Variants in LPGAT1 observed in about 807,000 individuals in gnomAD.
LPGAT1 encodes the protein lysophosphatidylglycerol acyltransferase 1.
Under a neutral mutation model 47.5 loss-of-function variants are expected in LPGAT1, and 11 were observed. The ratio of observed to expected loss-of-function variants is 0.23; its 90% CI spans 0.15 to 0.38. The LOEUF (loss-of-function observed/expected upper bound fraction) is 0.38, where lower values mean the gene tolerates loss of function less well. Among genes scored for constraint, LPGAT1 ranks in the 10% least tolerant of loss-of-function variants. The pLI is 1.00. For synonymous variants in LPGAT1, 138 were observed against 144.2 expected (o/e 0.96, Z 0.31); for missense variants, 293 against 439.0 (o/e 0.67, Z 2.97).
intron 3 of LPGAT1, among the ~76,000 whole-genome samples, chr1:211,790,205 C>T (rs1229924472): frequency 6.6e-6 from 1 of 152,058 alleles, no homozygotes; most frequent in East Asian, 1.9e-4. Context: ...CTTGTGACAA[C>T]AAGGACTAAG....
chr1:211,820,087 G>A (rs543260449), intron 2 of LPGAT1, among the ~76,000 whole-genome samples: 27 of 152,152 alleles, frequency 1.8e-4, no homozygotes, highest in South Asian at 2.1e-4. Flanking sequence ...CAGAATTAGC[G>A]GCAAAAGACC....
rs776183328 is a variant in LPGAT1 at position 211,787,694 on chromosome 1, T to C, written c.391A>G (p.Ile131Val). 1 of 1,609,066 alleles carries C rather than the reference T, an allele frequency of 6.2e-7. No individual in the cohort carries two copies. The highest frequency in any genetic ancestry group is 2.2e-5 in the East Asian group (1 of 44,680). The change falls in exon 4 of 8, where the codon ATT becomes GTT. Residue 131 changes from isoleucine (I) to valine (V), a missense_variant. Coordinates refer to ENST00000366997, the MANE Select transcript of LPGAT1 (RefSeq NM_014873.3). Reference protein sequence around the residue: ...VAQMMWLMDHIFKYTNFGIVS... With the variant: ...VAQMMWLMDHVFKYTNFGIVS... Reference sequence around the variant, plus strand: ...ATTCCAAAGTTTGTGTACTTAAAAATATGATCCATCAACCACATCATCTGA... The same window carrying C: ...ATTCCAAAGTTTGTGTACTTAAAAACATGATCCATCAACCACATCATCTGA...
intron 6 of LPGAT1, among the ~76,000 whole-genome samples, chr1:211,756,399 C>T (rs550081976): frequency 6.6e-6 from 1 of 152,298 alleles, no homozygotes; most frequent in African/African-American, 2.4e-5. Flanking sequence ...GGCATGATCA[C>T]AGCTCACAGC....
At chr1:211,770,334 T>C (rs990503748) in intron 6 of LPGAT1, among the ~76,000 whole-genome samples, 3 of 152,296 alleles carry the variant, frequency 2.0e-5, no homozygotes, top group Admixed American at 6.5e-5. Context: ...ATATTTGATA[T>C]TGATGAGTAA....
intron 2 of LPGAT1, among the ~76,000 whole-genome samples, chr1:211,800,115 A>C (rs1250229115): frequency 6.6e-6 from 1 of 151,440 alleles, no homozygotes; most frequent in South Asian, 2.1e-4. Context: ...GCTCACTGCA[A>C]CCTCCACCTC....
chr1:211,768,506 T>G (rs1350252993), intron 6 of LPGAT1, among the ~76,000 whole-genome samples: 1 of 152,126 alleles, frequency 6.6e-6, no homozygotes, highest in Non-Finnish European at 1.5e-5. Flanking sequence ...GGAACAACAT[T>G]TATCGTTTAG....
chr1:211,749,814 T>G lies in LPGAT1; in HGVS notation c.*85A>C, dbSNP rs577394837. On this transcript the variant is annotated 3_prime_UTR_variant, in exon 8 of 8. Transcript: ENST00000366997. ...TTTCTTTTGCTTTTTTTTAAATATA[T>G]TCTGATTTGCACATGTAAAATAATG... 5.2e-6 allele frequency: 7 copies of G among 1,357,106 alleles called. 1 individual carries two copies. The Admixed American group carries it at 1.5e-4, about 29-fold the overall frequency. The allele number at this position is 1,357,106 out of a possible 1,614,324, so 84.1% of individuals were successfully genotyped here.
At chr1:211,784,929 G>A (rs907168711) in intron 4 of LPGAT1, among the ~76,000 whole-genome samples, 1 of 150,476 alleles carries the variant, frequency 6.6e-6, no homozygotes, top group Non-Finnish European at 1.5e-5. Flanking sequence ...TCAGCCTCCC[G>A]AGTAGCTGGG....
At chr1:211,778,797 A>G in intron 6 of LPGAT1, 121 bp downstream of exon 6, 2 of 715,910 alleles carry the variant, frequency 2.8e-6, no homozygotes, top group Non-Finnish European at 2.1e-6. Context: ...AAAATGCAGC[A>G]TAAGAATGAA....
At chr1:211,815,324 C>A (rs1455505382) in intron 2 of LPGAT1, among the ~76,000 whole-genome samples, 1 of 152,198 alleles carries the variant, frequency 6.6e-6, no homozygotes, top group African/African-American at 2.4e-5. Flanking sequence ...CCAGAAACCT[C>A]AGGGGCATCC....
intron 2 of LPGAT1, among the ~76,000 whole-genome samples, chr1:211,816,490 C>A (rs777018824): frequency 6.6e-6 from 1 of 152,066 alleles, no homozygotes; most frequent in Admixed American, 6.5e-5. Context: ...ATTCAGACTA[C>A]GGCCTAAATT....
chr1:211,827,806 A>C (rs1214778578), intron 2 of LPGAT1, among the ~76,000 whole-genome samples: 4 of 152,194 alleles, frequency 2.6e-5, no homozygotes, highest in African/African-American at 9.7e-5. Flanking sequence ...GAATCTCAAC[A>C]AGACAGATGA....
chr1:211,830,564 G>A lies in LPGAT1; in HGVS notation c.-28+9C>T. Reference sequence around the variant, plus strand: ...CTCTGGGGCCTGCGACCGCGGAGCCGGAGGTTACCTCGGGCTGGCCGGGCC... The same window carrying A: ...CTCTGGGGCCTGCGACCGCGGAGCCAGAGGTTACCTCGGGCTGGCCGGGCC... On this transcript the variant is annotated intron_variant, in intron 1 of 7. Coordinates refer to ENST00000366997, the MANE Select transcript of LPGAT1 (RefSeq NM_014873.3). The surrounding 1 kb of genome is among the most constrained non-coding windows in gnomAD (Gnocchi z 5.9). 2 of 1,129,330 alleles carry A rather than the reference G, an allele frequency of 1.8e-6. No individual in the cohort carries two copies. Among genetic ancestry groups the A allele is most frequent in the South Asian group, 4.4e-5 (1 of 22,898 alleles). The allele number at this position is 1,129,330 out of a possible 1,614,324, so 70.0% of individuals were successfully genotyped here.
intron 3 of LPGAT1, among the ~76,000 whole-genome samples, chr1:211,791,309 T>A (rs1230320523): frequency 6.6e-6 from 1 of 152,226 alleles, no homozygotes; most frequent in East Asian, 1.9e-4. Context: ...CAAGATTGTT[T>A]CATTAAGAAA....
chr1:211,809,782 GTCAT>G (rs1377471822), intron 2 of LPGAT1, among the ~76,000 whole-genome samples: 1 of 152,164 alleles, frequency 6.6e-6, no homozygotes, highest in African/African-American at 2.4e-5. Context: ...GGAACTGTGA[GTCAT>G]TCAAACCTCT....
chr1:211,802,069 C>CA, intron 2 of LPGAT1, among the ~76,000 whole-genome samples: 1 of 130,004 alleles, frequency 7.7e-6, no homozygotes, highest in Non-Finnish European at 1.6e-5. Context: ...GCCTGGGTAA[C>CA]AGAGTGAGAC....
In LPGAT1 at chr1:211,746,220, T is replaced by C. The variant is rs1160057452; in HGVS notation, c.*3679A>G. ...CAACATGAGCAAAGAATGAAGACGC[T>C]TCTTAACATGAATCCAAGACAGCAA... On this transcript the variant is annotated 3_prime_UTR_variant, in exon 8 of 8. Coordinates refer to ENST00000366997, the MANE Select transcript of LPGAT1 (RefSeq NM_014873.3). The C allele has an allele frequency of 6.6e-6, 1 of 152,594 alleles. No individual in the cohort carries two copies. The highest frequency in any genetic ancestry group is 2.4e-5 in the African/African-American group (1 of 41,444). 9.5% of individuals were successfully genotyped at this position (152,594 alleles called of 1,614,324 possible). A position where few individuals can be genotyped will look rare whatever the true frequency, so the allele number is the denominator to read the frequency against.
rs1660694603 is a variant in LPGAT1, at chr1:211,830,402, G to C, written c.-28+171C>G. 1 of 1,174,780 alleles carries C rather than the reference G, an allele frequency of 8.5e-7. No individual in the cohort carries two copies. The highest frequency in any genetic ancestry group is 1.6e-5 in the African/African-American group (1 of 62,228). 72.8% of individuals were successfully genotyped at this position (1,174,780 alleles called of 1,614,324 possible). A position where few individuals can be genotyped will look rare whatever the true frequency, so the allele number is the denominator to read the frequency against. ...CGGGCGGGTCCCGGGGAGGCGGGCG[G>C]ATGCCCCGCGCCCCCGCCTCCTCCC... On this transcript the variant is annotated intron_variant, in intron 1 of 7. Transcript: ENST00000366997. The surrounding 1 kb of genome is among the most constrained non-coding windows in gnomAD (Gnocchi z 5.9).
At chr1:211,822,334 C>A (rs938725088) in intron 2 of LPGAT1, among the ~76,000 whole-genome samples, 1 of 152,142 alleles carries the variant, frequency 6.6e-6, no homozygotes, top group South Asian at 2.1e-4. Context: ...TGTAGTACCA[C>A]CAAATTGCTG....
Sources: gnomAD v4.1 joint callset for allele counts (sites outside exome capture counted in the v4.1 genomes callset) on GRCh38, gnomAD v4.1.1 for gene constraint, Gnocchi (gnomAD v3.1) non-coding constraint, MANE v1.5 for transcripts, NCBI Gene and HGNC (gene_info 2026-07-23, HGNC 2026-07-21) for gene names.